Variants in GPC6 observed in about 807,000 individuals in gnomAD.
The protein encoded by GPC6 is glypican 6.
In GPC6, 14 loss-of-function variants were observed where a neutral mutation model predicts 55.2. The observed-to-expected ratio is 0.25, with a 90% CI of 0.17 to 0.40. The LOEUF (loss-of-function observed/expected upper bound fraction) is 0.40, where lower values mean the gene tolerates loss of function less well. Among genes scored for constraint, GPC6 ranks in the 10% least tolerant of loss-of-function variants. GPC6 has a pLI of 1.00. For synonymous variants in GPC6, 278 were observed against 259.6 expected (o/e 1.07, Z -0.68); for missense variants, 641 against 708.5 (o/e 0.90, Z 1.08).
chr13:93,329,161 CTTAA>C (rs1454429797), intron 1 of GPC6, among the ~76,000 whole-genome samples: 1 of 152,156 alleles, frequency 6.6e-6, no homozygotes, highest in Non-Finnish European at 1.5e-5. Flanking sequence ...GTTTATTGCA[CTTAA>C]TACATTGGCC....
chr13:93,830,219 G>T lies in GPC6; in HGVS notation c.385G>T (p.Gly129Cys). The T allele has an allele frequency of 6.2e-7, 1 of 1,604,068 alleles. No individual in the cohort carries two copies. The highest frequency in any genetic ancestry group is 8.5e-7 in the Non-Finnish European group (1 of 1,172,114). ...SLNDMFVRTY[G>C]MLYMQNSEVF... ...AAATGATATGTTTGTACGGACCTAT[G>T]GCATGCTGTACATGCAGAATTCAGA... is the stretch of plus-strand genomic sequence containing the variant. Residue 129 changes from glycine (G) to cysteine (C), a missense_variant, in exon 3 of 9, where the codon GGC (glycine) becomes TGC (cysteine). Transcript: ENST00000377047.
At chr13:93,230,613 A>T (rs924524250) in intron 1 of GPC6, among the ~76,000 whole-genome samples, 1 of 152,148 alleles carries the variant, frequency 6.6e-6, no homozygotes, top group Non-Finnish European at 1.5e-5. Flanking sequence ...AAGCCTTCAC[A>T]ATATGCTTGC....
intron 2 of GPC6, among the ~76,000 whole-genome samples, chr13:93,633,325 G>T (rs1026471883): frequency 6.6e-6 from 1 of 152,168 alleles, no homozygotes; most frequent in Non-Finnish European, 1.5e-5. Context: ...TTTTGCCAGT[G>T]AAGAGGCAAG....
At chr13:93,448,529 A>G (rs1878096479) in intron 1 of GPC6, among the ~76,000 whole-genome samples, 1 of 152,176 alleles carries the variant, frequency 6.6e-6, no homozygotes, top group Admixed American at 6.6e-5. Context: ...ACTTTCATGG[A>G]GGATATTTTT....
chr13:93,544,553 A>G lies in GPC6; in HGVS notation c.161-710A>G, dbSNP rs112481170. 3.3e-3 allele frequency among the ~76,000 whole-genome samples: 509 copies of G among 152,342 alleles called. 5 individuals are homozygous for G. The highest frequency in any genetic ancestry group is 0.012 in the African/African-American group (490 of 41,592). ...ACAGGCCATTTTAATTTCATGAAGC[A>G]AAGGATTGGCTTCTACTTGCAAATA... On this transcript the variant is annotated intron_variant, in intron 1 of 8. Transcript: ENST00000377047.
At chr13:93,521,893 T>C (rs2813607) in intron 1 of GPC6, among the ~76,000 whole-genome samples, 143,330 of 152,014 alleles carry the variant, frequency 0.94, 68,134 homozygotes, top group East Asian at 1. Flanking sequence ...TGCTAGGTTT[T>C]AGGTATAGAC....
chr13:93,958,897 G>A (rs944421765), intron 3 of GPC6, among the ~76,000 whole-genome samples: 4 of 151,838 alleles, frequency 2.6e-5, no homozygotes, highest in Admixed American at 6.6e-5. Context: ...TCACTTCTTC[G>A]GTTAGCTGTA....
rs1890366666 is a variant in GPC6 at position 94,220,989 on chromosome 13, A to G, written c.878-65360A>G. ...ATAACAGACTCTTATGGGCACATTTATAAGAAGATCGGTTAGGACCCAAAG... is the reference window on the plus strand; with the variant it reads ...ATAACAGACTCTTATGGGCACATTTGTAAGAAGATCGGTTAGGACCCAAAG... On this transcript the variant is annotated intron_variant, in intron 4 of 8. Transcript: ENST00000377047. 2.0e-5 allele frequency among the ~76,000 whole-genome samples: 3 copies of G among 152,108 alleles called. No individual in the cohort carries two copies. The South Asian group carries it at 6.2e-4, about 31-fold the overall frequency.
intron 4 of GPC6, among the ~76,000 whole-genome samples, chr13:94,061,662 C>T (rs1366429760): frequency 6.6e-6 from 1 of 151,756 alleles, no homozygotes; most frequent in African/African-American, 2.4e-5. Flanking sequence ...AGAATCTTGA[C>T]TCATGGGAGG....
intron 6 of GPC6, among the ~76,000 whole-genome samples, chr13:94,322,255 T>C (rs539762431): frequency 5.9e-5 from 9 of 152,344 alleles, no homozygotes; most frequent in African/African-American, 2.2e-4. Flanking sequence ...GACATGTCTT[T>C]CACCTTCCAC....
chr13:93,309,899 G>A (rs1323407643), intron 1 of GPC6, among the ~76,000 whole-genome samples: 1 of 152,148 alleles, frequency 6.6e-6, no homozygotes, highest in Non-Finnish European at 1.5e-5. Flanking sequence ...AAATTGTTAA[G>A]AGCATCTACT....
chr13:93,731,015 A>G (rs750410939), intron 2 of GPC6, among the ~76,000 whole-genome samples: 4 of 152,186 alleles, frequency 2.6e-5, no homozygotes, highest in Non-Finnish European at 5.9e-5. Flanking sequence ...AATGAAAGCT[A>G]GAGAAGCAAA....
intron 4 of GPC6, among the ~76,000 whole-genome samples, chr13:94,234,985 G>T (rs1356861091): frequency 6.6e-6 from 1 of 152,144 alleles, no homozygotes; most frequent in African/African-American, 2.4e-5. Context: ...TCAATGCATA[G>T]AGCCTTTTAG....
intron 4 of GPC6, among the ~76,000 whole-genome samples, chr13:94,074,168 G>A (rs1884830651): frequency 2.6e-5 from 4 of 152,038 alleles, no homozygotes; most frequent in Non-Finnish European, 1.5e-5. Flanking sequence ...ATCTTCAATA[G>A]CCTCCATGCA....
intron 2 of GPC6, among the ~76,000 whole-genome samples, chr13:93,711,721 T>C (rs1435241044): frequency 6.6e-6 from 1 of 151,796 alleles, no homozygotes; most frequent in African/African-American, 2.4e-5. Flanking sequence ...TGCTCTAATT[T>C]TCTGCCCCAG....
At chr13:93,276,115 C>A (rs1381380891) in intron 1 of GPC6, among the ~76,000 whole-genome samples, 2 of 152,134 alleles carry the variant, frequency 1.3e-5, no homozygotes, top group African/African-American at 4.8e-5. Flanking sequence ...ACCTCGTGAT[C>A]CACTCGCCTC....
chr13:93,855,906 A>G (rs1199642344), intron 3 of GPC6, among the ~76,000 whole-genome samples: 1 of 151,548 alleles, frequency 6.6e-6, no homozygotes, highest in East Asian at 1.9e-4. Context: ...GTTGATTTTA[A>G]TCATTCTTTC....
At chr13:93,895,143 T>C (rs976243767) in intron 3 of GPC6, among the ~76,000 whole-genome samples, 1 of 149,576 alleles carries the variant, frequency 6.7e-6, no homozygotes, top group Non-Finnish European at 1.5e-5. Flanking sequence ...TATATATATA[T>C]TTTCACCTCT....
At chr13:93,352,205 T>C (rs1880655540) in intron 1 of GPC6, among the ~76,000 whole-genome samples, 1 of 152,194 alleles carries the variant, frequency 6.6e-6, no homozygotes, top group South Asian at 2.1e-4. Context: ...CAATGAATTT[T>C]CACCTTAAAA....
Sources: allele counts gnomAD v4.1 joint callset (sites outside exome capture counted in the v4.1 genomes callset), GRCh38; gene constraint gnomAD v4.1.1; transcripts MANE v1.5; gene names NCBI Gene and HGNC (gene_info 2026-07-23, HGNC 2026-07-21).